DNAH12: variants seen among roughly 807,000 people sequenced by gnomAD.
DNAH12 encodes axonemal beta dynein heavy chain 12.
DNAH12 carries 285 observed loss-of-function variants against 371.5 expected under a neutral mutation model. The ratio of observed to expected loss-of-function variants is 0.77; its 90% CI spans 0.70 to 0.85. The LOEUF (loss-of-function observed/expected upper bound fraction) is 0.85, where lower values mean the gene tolerates loss of function less well. Among genes scored for constraint, DNAH12 ranks in the 40% least tolerant of loss-of-function variants. The probability of loss-of-function intolerance (pLI) is 0.00; values close to 1 mark genes in which losing one functional copy is unlikely to be tolerated. For synonymous variants in DNAH12, 1,200 were observed against 1,213.0 expected (o/e 0.99, Z 0.22); for missense variants, 3,611 against 3,689.4 (o/e 0.98, Z 0.55).
chr3:57,323,611 TG>T lies in DNAH12; in HGVS notation c.9986del (p.Pro3329GlnfsTer3). 1 of 1,541,268 alleles carries T rather than the reference TG, an allele frequency of 6.5e-7. No individual in the cohort carries two copies. The highest frequency in any genetic ancestry group is 8.7e-7 in the Non-Finnish European group (1 of 1,144,190). On this transcript the variant is annotated frameshift_variant, in exon 63 of 74. Transcript: ENST00000495027. LOFTEE classifies it high-confidence loss of function. ...LRCLRPDKITPAITNYVTDKL... is the reference protein window; with the variant it reads ...LRCLRPDKITXAITNYVTDKL... Reference sequence around the variant, plus strand: ...TGTCAGTTACATAGTTTGTTATAGCTGGGGTTATCTGTTGAAGAGAAAAGAT... The same window carrying T: ...TGTCAGTTACATAGTTTGTTATAGCTGGGTTATCTGTTGAAGAGAAAAGAT...
intron 60 of DNAH12, among the ~76,000 whole-genome samples, chr3:57,351,078 G>A (rs1553659984): frequency 1.3e-5 from 2 of 151,958 alleles, no homozygotes; most frequent in African/African-American, 4.8e-5. Context: ...AGACCAGCCT[G>A]GCCAACATAG....
At chr3:57,382,038 A>G (rs1179921622) in intron 50 of DNAH12, among the ~76,000 whole-genome samples, 1 of 151,874 alleles carries the variant, frequency 6.6e-6, no homozygotes, top group Non-Finnish European at 1.5e-5. Context: ...TGGCTAATTT[A>G]TATATTTTTA....
intron 4 of DNAH12, among the ~76,000 whole-genome samples, chr3:57,512,091 C>A (rs997275021): frequency 6.6e-6 from 1 of 151,386 alleles, no homozygotes; most frequent in African/African-American, 2.4e-5. Flanking sequence ...TAAATGTTTG[C>A]ATAACAAAAA....
intron 16 of DNAH12, among the ~76,000 whole-genome samples, chr3:57,469,473 A>G (rs1273370415): frequency 6.6e-6 from 1 of 152,338 alleles, no homozygotes; most frequent in East Asian, 1.9e-4. Flanking sequence ...CAGCAATCCC[A>G]TTACTGGGTA....
rs782271639 is a variant in DNAH12, at chr3:57,406,356, CA to C, written c.6277-405del. Among the ~76,000 whole-genome samples, 194 of 96,000 alleles carry C rather than the reference CA, an allele frequency of 2.0e-3. 1 individual carries two copies. Among genetic ancestry groups the C allele is most frequent in the Non-Finnish European group, 1.8e-3 (79 of 44,040 alleles). The allele number at this position is 96,000 out of a possible 152,430, so 63.0% of individuals were successfully genotyped here. On this transcript the variant is annotated intron_variant, in intron 40 of 73. Transcript: ENST00000495027. ...TGGGCAACGAAGTGAGATTCTGCCT[CA>C]AAAAAAAAAAAAAAGAAAAAAAAAG...
chr3:57,309,061 C>T (rs557875814), intron 69 of DNAH12, 90 bp downstream of exon 69: 15 of 1,020,354 alleles, frequency 1.5e-5, no homozygotes, highest in South Asian at 5.7e-5. Flanking sequence ...TCAAAATTTT[C>T]GCCGCCCCAA....
intron 69 of DNAH12, among the ~76,000 whole-genome samples, chr3:57,308,530 G>A (rs986890887): frequency 2.0e-5 from 3 of 152,140 alleles, no homozygotes; most frequent in Admixed American, 2.0e-4. Flanking sequence ...CCAGACACCA[G>A]ATCAACTTGG....
chr3:57,396,501 G>A (rs1202677644), intron 43 of DNAH12, among the ~76,000 whole-genome samples: 2 of 151,570 alleles, frequency 1.3e-5, no homozygotes, highest in Non-Finnish European at 2.9e-5. Flanking sequence ...AGGTTCTAGC[G>A]ATTCTCCTGC....
At chr3:57,479,796 C>T (rs1354332855) in intron 13 of DNAH12, among the ~76,000 whole-genome samples, 2 of 152,170 alleles carry the variant, frequency 1.3e-5, no homozygotes, top group African/African-American at 4.8e-5. Flanking sequence ...TACATGGAAA[C>T]TGAAAAACCT....
intron 35 of DNAH12, 155 bp from the exon 36 acceptor site, chr3:57,421,861 T>TA (rs1286920953): frequency 3.1e-6 from 2 of 649,448 alleles, no homozygotes; most frequent in Admixed American, 3.0e-5. Flanking sequence ...CTAAGCCACA[T>TA]AGTCATTTCT....
chr3:57,533,555 G>A (rs909494505), intron 2 of DNAH12, among the ~76,000 whole-genome samples: 2 of 152,252 alleles, frequency 1.3e-5, no homozygotes, highest in East Asian at 1.9e-4. Flanking sequence ...GGGCTCTTTA[G>A]TCAGTAAGTG....
intron 60 of DNAH12, among the ~76,000 whole-genome samples, chr3:57,342,673 G>T (rs868994983): frequency 1.0e-5 from 1 of 97,360 alleles, no homozygotes; most frequent in African/African-American, 3.7e-5. Flanking sequence ...AAAAAAAAAA[G>T]GAAAGAAAAG....
chr3:57,390,453 T>TATACATATATACACA (rs1575535199), intron 45 of DNAH12, among the ~76,000 whole-genome samples: 1 of 49,826 alleles, frequency 2.0e-5, no homozygotes, highest in Non-Finnish European at 5.1e-5. Flanking sequence ...ATATATATAC[T>TATACATATATACACA]TAGACCAACC....
intron 39 of DNAH12, among the ~76,000 whole-genome samples, chr3:57,408,761 C>T (rs2064117395): frequency 6.6e-6 from 1 of 152,056 alleles, no homozygotes; most frequent in Admixed American, 6.6e-5. Flanking sequence ...ATGACCCTTC[C>T]CTCTTACTTT....
chr3:57,334,855 G>C lies in DNAH12; in HGVS notation c.9760C>G (p.Pro3254Ala), dbSNP rs370948718. The C allele has an allele frequency of 9.0e-6, 14 of 1,551,908 alleles. No individual in the cohort carries two copies. The highest frequency in any genetic ancestry group is 1.1e-5 in the Non-Finnish European group (13 of 1,147,040). The part of the protein sequence containing the change: ...SLKSAEKNPD[P>A]TWLQDKSWEE... ...CAGCTTTTGTCCTGTAGCCAAGTTG[G>C]ATCAGGATTTTTCTCAGCACTTTTA... Residue 3254 changes from proline to alanine, a missense_variant, in exon 61 of 74, where the codon CCA (proline) becomes GCA (alanine). By Grantham distance (27) the Pro-to-Ala change is conservative (BLOSUM62 -1). Coordinates refer to ENST00000495027, the MANE Select transcript of DNAH12 (RefSeq NM_001366028.2).
intron 60 of DNAH12, among the ~76,000 whole-genome samples, chr3:57,338,481 G>T (rs11929378): frequency 6.8e-6 from 1 of 146,778 alleles, no homozygotes; most frequent in Non-Finnish European, 1.5e-5. Flanking sequence ...CGGCCGCCCC[G>T]TCTGGGAGGT....
intron 44 of DNAH12, among the ~76,000 whole-genome samples, chr3:57,393,403 G>A (rs1015346316): frequency 2.6e-5 from 4 of 152,020 alleles, no homozygotes; most frequent in Non-Finnish European, 4.4e-5. Context: ...CGAGGCAGGC[G>A]GATCACGAGA....
intron 69 of DNAH12, among the ~76,000 whole-genome samples, chr3:57,305,815 A>G (rs552467623): frequency 6.6e-6 from 1 of 152,268 alleles, no homozygotes; most frequent in South Asian, 2.1e-4. Context: ...AAGGTGTATG[A>G]TAATAGAAAA....
rs553943973 is a variant in DNAH12 at position 57,474,043 on chromosome 3, G to A, written c.1651-1372C>T. Among the ~76,000 whole-genome samples the A allele has an allele frequency of 7.4e-4, 112 of 152,194 alleles. 1 individual carries two copies. Among genetic ancestry groups the A allele is most frequent in the African/African-American group, 2.5e-3 (102 of 41,548 alleles). On this transcript the variant is annotated intron_variant, in intron 13 of 73. Transcript: ENST00000495027. ...ATGTCATACTTAATAGTGAAATCTT[G>A]AAAGCTTTCCCCTTAAGGTTGGGAT...
Sources: allele counts gnomAD v4.1 joint callset (sites outside exome capture counted in the v4.1 genomes callset), GRCh38; gene constraint gnomAD v4.1.1; transcripts MANE v1.5; gene names NCBI Gene and HGNC (gene_info 2026-07-23, HGNC 2026-07-21).